Variants in EXOC2 observed in about 807,000 individuals in gnomAD.
The protein encoded by EXOC2 is SEC5-like 1.
Under a neutral mutation model 131.8 loss-of-function variants are expected in EXOC2, and 70 were observed. The ratio of observed to expected loss-of-function variants is 0.53; its 90% confidence interval spans 0.44 to 0.65. The LOEUF (loss-of-function observed/expected upper bound fraction) is 0.65. EXOC2 is among the 30% of genes least tolerant of loss of function. The probability of loss-of-function intolerance (pLI) is 0.00; values close to 1 mark genes in which losing one functional copy is unlikely to be tolerated. For missense variants in EXOC2, 923 were observed against 1,108.6 expected, an observed-to-expected ratio of 0.83 and a Z score of 2.38; for synonymous variants, 411 against 398.4, an observed-to-expected ratio of 1.03 and a Z score of -0.38.
intron 4 of EXOC2, among the ~76,000 whole-genome samples, chr6:626,339 G>A (rs1761565275): frequency 6.6e-6 from 1 of 152,044 alleles, no homozygotes. Context: ...ATGCAGCCTG[G>A]GTCCACCGGT....
intron 1 of EXOC2, among the ~76,000 whole-genome samples, chr6:649,701 G>A (rs2064303): frequency 0.56 from 84,879 of 152,052 alleles, 25,801 homozygotes; most frequent in East Asian, 0.78. Flanking sequence ...AAATATACAC[G>A]CAAGAGTAAT....
intron 22 of EXOC2, among the ~76,000 whole-genome samples, chr6:543,686 T>C (rs1756681412): frequency 6.6e-6 from 1 of 152,190 alleles, no homozygotes; most frequent in African/African-American, 2.4e-5. Context: ...TAATTATTAT[T>C]TGTCAATTAA....
At chr6:657,022 G>T in intron 1 of EXOC2, 1 of 1,245,972 alleles carries the variant, frequency 8.0e-7, no homozygotes, top group Non-Finnish European at 1.1e-6. Context: ...GCTGGGGTCC[G>T]TGGCGCTGCC....
intron 23 of EXOC2, among the ~76,000 whole-genome samples, chr6:515,768 A>G (rs903163548): frequency 6.6e-6 from 1 of 151,292 alleles, no homozygotes; most frequent in African/African-American, 2.4e-5. Flanking sequence ...GCGAGAAGCC[A>G]GAGTGACTGT....
chr6:510,574 T>C (rs566775849), intron 23 of EXOC2, among the ~76,000 whole-genome samples: 16 of 152,326 alleles, frequency 1.1e-4, no homozygotes, highest in South Asian at 1.0e-3. Context: ...ATAAACTTCA[T>C]AGACAAACAG....
rs753808699 is a variant in EXOC2, at chr6:572,637, T to C, written c.1326A>G (p.Arg442=). 2.5e-6 allele frequency: 4 copies of C among 1,613,290 alleles called. No homozygotes were observed. Among genetic ancestry groups the C allele is most frequent in the Admixed American group, 1.7e-5 (1 of 59,740 alleles). ...SFQSGRDDTW[R]YKTPHRVAFV... ...AGGCCACCCTGTGGGGAGTTTTGTA[T>C]CTCCACGCTAAGGGGGAAAAGAATA... The change falls in exon 13 of 28, where the codon AGA becomes AGG. Residue 442 remains arginine (R), a synonymous_variant. Transcript: ENST00000230449.
chr6:692,864 G>A, intron 1 of EXOC2, among the ~76,000 whole-genome samples, 155 bp downstream of exon 1: 1 of 126,928 alleles, frequency 7.9e-6, no homozygotes, highest in East Asian at 2.7e-4. Flanking sequence ...AACCGCGGGG[G>A]GTCGCGGGGC....
At chr6:617,940 T>G in intron 5 of EXOC2, 105 bp from the exon 6 acceptor site, 1 of 1,309,958 alleles carries the variant, frequency 7.6e-7, no homozygotes, top group Non-Finnish European at 1.0e-6. Flanking sequence ...CGATGCTAAG[T>G]AGCACACAGA....
chr6:616,573 C>A (rs375580008), intron 6 of EXOC2, among the ~76,000 whole-genome samples: 147 of 137,506 alleles, frequency 1.1e-3, no homozygotes, highest in Non-Finnish European at 1.7e-3. Flanking sequence ...ACAGCACTCC[C>A]GCCTGGGCGA....
intron 26 of EXOC2, 97 bp from the exon 27 acceptor site, chr6:489,135 G>T (rs551426446): frequency 9.0e-7 from 1 of 1,109,894 alleles, no homozygotes; most frequent in Non-Finnish European, 1.3e-6. Flanking sequence ...GCCAATAAAA[G>T]CCAGTGAAGC....
chr6:572,507 T>A lies in EXOC2; in HGVS notation c.1443+13A>T. On this transcript the variant is annotated intron_variant, in intron 13 of 27. Coordinates refer to ENST00000230449, the MANE Select transcript of EXOC2 (RefSeq NM_018303.6). ...TGACTCAGCTCCACCTCTAGCCGAG[T>A]CCGTATACACACCTCACTGAAGAGG... 6.2e-7 allele frequency: 1 copy of A among 1,606,422 alleles called. No individual in the cohort carries two copies. The highest frequency in any genetic ancestry group is 1.1e-5 in the South Asian group (1 of 89,536).
intron 1 of EXOC2, chr6:656,488 A>G (rs1266179591): frequency 1.2e-6 from 2 of 1,608,512 alleles, no homozygotes; most frequent in Admixed American, 3.3e-5. Flanking sequence ...CTCGCGTCGG[A>G]GGCGCGCAGG....
intron 1 of EXOC2, among the ~76,000 whole-genome samples, chr6:663,290 G>C (rs1763500080): frequency 6.6e-6 from 1 of 152,140 alleles, no homozygotes; most frequent in Admixed American, 6.5e-5. Flanking sequence ...CAGCAAGATT[G>C]AAATGGTAAT....
intron 6 of EXOC2, among the ~76,000 whole-genome samples, chr6:614,002 A>G (rs1204202213): frequency 6.6e-6 from 1 of 152,226 alleles, no homozygotes; most frequent in East Asian, 1.9e-4. Flanking sequence ...TACAAATAAT[A>G]TATCAAGCCA....
chr6:628,856 C>A (rs1047541086), intron 4 of EXOC2, among the ~76,000 whole-genome samples: 1 of 152,286 alleles, frequency 6.6e-6, no homozygotes, highest in East Asian at 1.9e-4. Flanking sequence ...TTTGGAGGCA[C>A]TGGAATCCTT....
At chr6:638,884 G>A (rs1179290635) in intron 1 of EXOC2, among the ~76,000 whole-genome samples, 3 of 152,152 alleles carry the variant, frequency 2.0e-5, no homozygotes, top group Non-Finnish European at 4.4e-5. Flanking sequence ...AGCCGAGATT[G>A]CGCCACTGCA....
intron 11 of EXOC2, among the ~76,000 whole-genome samples, chr6:581,354 T>C (rs1421092679): frequency 1.3e-5 from 2 of 152,088 alleles, no homozygotes; most frequent in East Asian, 1.9e-4. Context: ...ATATTTGTTA[T>C]GGACTTCAGC....
chr6:577,003 G>A, intron 11 of EXOC2, 121 bp from the exon 12 acceptor site: 1 of 790,000 alleles, frequency 1.3e-6, no homozygotes, highest in East Asian at 3.1e-5. Context: ...TCTTAAATAA[G>A]GCATTTATTA....
At chr6:582,437 C>G (rs1234067900) in intron 11 of EXOC2, among the ~76,000 whole-genome samples, 1 of 151,634 alleles carries the variant, frequency 6.6e-6, no homozygotes. Context: ...GAAGGGTGGC[C>G]GACTTCCTCA....
Sources: allele counts gnomAD v4.1 joint callset (sites outside exome capture counted in the v4.1 genomes callset), GRCh38; gene constraint gnomAD v4.1.1; transcripts MANE v1.5; gene names NCBI Gene and HGNC (gene_info 2026-07-23, HGNC 2026-07-21).